LPIN1: variants seen among roughly 807,000 people sequenced by gnomAD.
LPIN1 encodes the protein lipin 1.
Under a neutral mutation model 107.5 loss-of-function variants are expected in LPIN1, and 71 were observed. The observed-to-expected ratio is 0.66, with a 90% confidence interval of 0.55 to 0.80. The LOEUF (loss-of-function observed/expected upper bound fraction) is 0.80. Among genes scored for constraint, LPIN1 ranks in the 30% least tolerant of loss-of-function variants. The probability of loss-of-function intolerance (pLI) is 0.00; values close to 1 mark genes in which losing one functional copy is unlikely to be tolerated. For missense variants in LPIN1, 1,043 were observed against 1,160.6 expected, an observed-to-expected ratio of 0.90 and a Z score of 1.47; for synonymous variants, 445 against 452.6, an observed-to-expected ratio of 0.98 and a Z score of 0.21.
Position 11,803,074 on chromosome 2 carries a change from T to TGA in LPIN1, c.2013+43_2013+44dup. 1 of 1,610,642 alleles carries TGA rather than the reference T, an allele frequency of 6.2e-7. No individual in the cohort carries two copies. Among genetic ancestry groups the TGA allele is most frequent in the Non-Finnish European group, 8.5e-7 (1 of 1,179,844 alleles). ...TTGGCGCGGCTGTGTTGTGAGCACA[T>TGA]GAGGTTTCTGCAGACTCCTAAGGCT... is the stretch of plus-strand genomic sequence containing the variant. On this transcript the variant is annotated intron_variant, in intron 15 of 20. Transcript: ENST00000674199. This position sits in a 1 kb window ranked among gnomAD's most constrained non-coding sequence, Gnocchi z 4.2.
chr2:11,760,046 C>T (rs1351075140), intron 1 of LPIN1, among the ~76,000 whole-genome samples: 4 of 116,584 alleles, frequency 3.4e-5, no homozygotes, highest in African/African-American at 1.0e-4. Flanking sequence ...CAGACGGGGT[C>T]GCGGCCGGGC....
At chr2:11,820,550 C>A in intron 20 of LPIN1, 36 bp downstream of exon 20, 2 of 1,442,778 alleles carry the variant, frequency 1.4e-6, no homozygotes, top group Non-Finnish European at 2.0e-6. Flanking sequence ...ATTATGATAT[C>A]AGTACTATTA....
At chr2:11,767,382 AG>A in intron 2 of LPIN1, 1 of 282,056 alleles carries the variant, frequency 3.5e-6, no homozygotes, top group Non-Finnish European at 6.9e-6. Context: ...GTCTGGCCTC[AG>A]CTCCTCAGCC....
intron 6 of LPIN1, among the ~76,000 whole-genome samples, chr2:11,776,921 G>A (rs1320903653): frequency 6.6e-6 from 1 of 152,206 alleles, no homozygotes; most frequent in Admixed American, 6.5e-5. Flanking sequence ...CCAGACCTCA[G>A]GATGTACTTC....
At chr2:11,775,330 A>C (rs1352250279) in intron 5 of LPIN1, among the ~76,000 whole-genome samples, 1 of 152,226 alleles carries the variant, frequency 6.6e-6, no homozygotes, top group East Asian at 1.9e-4. Flanking sequence ...TTTAGAACCC[A>C]ATAATAGATG....
At chr2:11,685,081 C>A (rs545512888) in intron 1 of LPIN1, among the ~76,000 whole-genome samples, 1 of 151,986 alleles carries the variant, frequency 6.6e-6, no homozygotes, top group African/African-American at 2.4e-5. Context: ...GAGCCCGAGA[C>A]GGGAGGATGA....
chr2:11,698,464 A>G (rs955110206), intron 1 of LPIN1, among the ~76,000 whole-genome samples: 3 of 152,220 alleles, frequency 2.0e-5, no homozygotes, highest in African/African-American at 4.8e-5. Context: ...CGTGGCTCCA[A>G]CAGTTTCAGA....
upstream of LPIN1, among the ~76,000 whole-genome samples, chr2:11,742,577 A>C (rs80102993): frequency 0.037 from 5,701 of 152,286 alleles, 153 homozygotes; most frequent in Non-Finnish European, 0.051. Context: ...CCACTGTAAC[A>C]GTCCACACTT....
rs576751696 is a variant in LPIN1 at position 11,813,523 on chromosome 2, G to A, written c.2250-1565G>A. 2.2e-4 allele frequency among the ~76,000 whole-genome samples: 33 copies of A among 152,118 alleles called. 1 individual carries two copies. The highest frequency in any genetic ancestry group is 1.4e-3 in the Admixed American group (21 of 15,274). ...CTCCTCACTTTCCAGACAGGGCGGCGCATACTTTCTTTTTTTTATAATAGA... is the reference window on the plus strand; with the variant it reads ...CTCCTCACTTTCCAGACAGGGCGGCACATACTTTCTTTTTTTTATAATAGA... On this transcript the variant is annotated intron_variant, in intron 17 of 20. Transcript: ENST00000674199.
intron 20 of LPIN1, among the ~76,000 whole-genome samples, chr2:11,822,407 G>T (rs1681695758): frequency 6.6e-6 from 1 of 151,090 alleles, no homozygotes; most frequent in African/African-American, 2.4e-5. Flanking sequence ...CCAAGATCAT[G>T]CCACTGCCCT....
intron 14 of LPIN1, among the ~76,000 whole-genome samples, chr2:11,795,770 AGAT>A (rs1030251659): frequency 2.6e-5 from 4 of 152,374 alleles, no homozygotes; most frequent in South Asian, 2.1e-4. Flanking sequence ...CTTTATACAC[AGAT>A]GATGATGATG....
intron 8 of LPIN1, 64 bp from the exon 9 acceptor site, chr2:11,783,765 A>G: frequency 7.5e-7 from 1 of 1,338,790 alleles, no homozygotes; most frequent in Non-Finnish European, 1.1e-6. Context: ...GTTTCTATAG[A>G]TACAAGGCCA....
intron 1 of LPIN1, among the ~76,000 whole-genome samples, chr2:11,761,366 T>TTA (rs1337932093): frequency 1.3e-5 from 2 of 152,144 alleles, no homozygotes; most frequent in Non-Finnish European, 2.9e-5. Flanking sequence ...GTTTTGATGT[T>TTA]TATATATATG....
At chr2:11,797,987 T>C (rs1340686238) in intron 14 of LPIN1, among the ~76,000 whole-genome samples, 1 of 152,158 alleles carries the variant, frequency 6.6e-6, no homozygotes, top group African/African-American at 2.4e-5. Context: ...AATTGCATCA[T>C]GGGGCCGTTT....
At chr2:11,720,053 G>T (rs1298648965), upstream of LPIN1, among the ~76,000 whole-genome samples, 1 of 151,878 alleles carries the variant, frequency 6.6e-6, no homozygotes, top group African/African-American at 2.4e-5. Flanking sequence ...CCTTTCTCTT[G>T]CTGGAGACAT....
Position 11,786,966 on chromosome 2 carries a change from G to T in LPIN1, c.1550-108G>T. On this transcript the variant is annotated intron_variant, in intron 10 of 20. Transcript: ENST00000674199. This position sits in a 1 kb window ranked among gnomAD's most constrained non-coding sequence, Gnocchi z 4.1. The stretch of plus-strand genomic sequence containing the variant: ...ATAGGATTGTCTGCACAGTTGGAAT[G>T]CACAAACTCTCAGAAAACACTTGTG... The T allele has an allele frequency of 1.3e-6, 1 of 783,244 alleles. No individual in the cohort carries two copies. The highest frequency in any genetic ancestry group is 2.5e-5 in the East Asian group (1 of 39,906). The allele number at this position is 783,244 out of a possible 1,614,324, so 48.5% of individuals were successfully genotyped here.
chr2:11,776,045 T>A, intron 5 of LPIN1, 41 bp from the exon 6 acceptor site: 1 of 1,145,666 alleles, frequency 8.7e-7, no homozygotes, highest in Non-Finnish European at 1.3e-6. Flanking sequence ...TGACCTCTGA[T>A]TTTGTCTTTC....
chr2:11,677,545 G>A, upstream of LPIN1: 1 of 838,980 alleles, frequency 1.2e-6, no homozygotes, highest in Non-Finnish European at 1.9e-6. Context: ...CCAGGCTCCA[G>A]TGTCACCCAG....
Position 11,765,202 on chromosome 2 carries a change from G to A in LPIN1, c.-9-331G>A, listed in dbSNP as rs1224350037. Among the ~76,000 whole-genome samples the A allele has an allele frequency of 6.6e-5, 10 of 151,500 alleles. No homozygotes were observed. Among genetic ancestry groups the A allele is most frequent in the South Asian group, 2.1e-4 (1 of 4,786 alleles). On this transcript the variant is annotated intron_variant, in intron 1 of 20. Transcript: ENST00000674199. This position sits in a 1 kb window ranked among gnomAD's most constrained non-coding sequence, Gnocchi z 4.4. ...GGACCCTGATGGGCTGTGATGGTCC[G>A]TGATGGGCCATGATGGACACTGATG...
Sources: allele counts gnomAD v4.1 joint callset (sites outside exome capture counted in the v4.1 genomes callset), GRCh38; gene constraint gnomAD v4.1.1; non-coding constraint Gnocchi (gnomAD v3.1); transcripts MANE v1.5; gene names NCBI Gene and HGNC (gene_info 2026-07-23, HGNC 2026-07-21).